SLC5A8: variants seen among roughly 807,000 people sequenced by gnomAD.
SLC5A8 encodes solute carrier family 5 member 8.
A neutral mutation model predicts 71.9 loss-of-function variants in SLC5A8; 55 were observed. That is an observed-to-expected ratio of 0.77 (90% CI 0.62 to 0.96). The LOEUF is 0.96. SLC5A8 is among the 40% of genes least tolerant of loss of function. The probability of loss-of-function intolerance (pLI) is 0.00; values close to 1 mark genes in which losing one functional copy is unlikely to be tolerated. For missense variants in SLC5A8, 701 were observed against 745.3 expected (o/e 0.94, Z 0.69); for synonymous variants, 307 against 276.1 (o/e 1.11, Z -1.11).
chr12:101,194,535 A>G (rs1041974189), intron 4 of SLC5A8, among the ~76,000 whole-genome samples: 1 of 152,196 alleles, frequency 6.6e-6, no homozygotes, highest in Admixed American at 6.5e-5. Context: ...GTGCAATCAC[A>G]GCTCACTGCA....
In SLC5A8 at chr12:101,182,689, A is replaced by C. The variant is rs1305656797; in HGVS notation, c.1165+114T>G. The C allele has an allele frequency of 2.4e-5, 16 of 660,948 alleles. No homozygotes were observed. In the African/African-American group the frequency reaches 2.5e-4, roughly 10 times the overall value. 40.9% of individuals were successfully genotyped at this position (660,948 alleles called of 1,614,324 possible). ...CATTGTCATAGGCATACATATGTGG[A>C]TATCCAGTCATATTCAGAGGTCCTT... is the stretch of plus-strand genomic sequence containing the variant. On this transcript the variant is annotated intron_variant, in intron 9 of 14. Transcript: ENST00000536262.
intron 4 of SLC5A8, among the ~76,000 whole-genome samples, chr12:101,194,302 C>T (rs904204747): frequency 6.6e-6 from 1 of 152,152 alleles, no homozygotes; most frequent in Non-Finnish European, 1.5e-5. Flanking sequence ...CTGAGGGCCC[C>T]ATCTTCTACA....
At chr12:101,197,288 A>C (rs564167132) in intron 3 of SLC5A8, among the ~76,000 whole-genome samples, 5 of 152,364 alleles carry the variant, frequency 3.3e-5, no homozygotes, top group Admixed American at 2.6e-4. Context: ...AAGAATTCAC[A>C]GAACTAGAAT....
chr12:101,184,626 T>C (rs563228974), intron 7 of SLC5A8, among the ~76,000 whole-genome samples: 1 of 152,228 alleles, frequency 6.6e-6, no homozygotes, highest in Admixed American at 6.5e-5. Flanking sequence ...TAATAAGTTG[T>C]CTTTAAGGAA....
At chr12:101,196,594 A>G (rs1869188148) in intron 3 of SLC5A8, among the ~76,000 whole-genome samples, 1 of 152,240 alleles carries the variant, frequency 6.6e-6, no homozygotes, top group African/African-American at 2.4e-5. Context: ...AATGAAATAA[A>G]TGGAACCTAA....
chr12:101,173,102 T>C (rs1014038582), intron 10 of SLC5A8, among the ~76,000 whole-genome samples: 3 of 152,368 alleles, frequency 2.0e-5, no homozygotes, highest in Admixed American at 6.5e-5. Context: ...GGGACAGTTA[T>C]GTCTACCCAC....
chr12:101,161,432 T>A (rs2051722398), intron 13 of SLC5A8, among the ~76,000 whole-genome samples: 1 of 152,088 alleles, frequency 6.6e-6, no homozygotes, highest in Non-Finnish European at 1.5e-5. Flanking sequence ...ACTATGTGTA[T>A]CAATTTGATT....
At chr12:101,177,180 C>T (rs1333940387) in intron 10 of SLC5A8, among the ~76,000 whole-genome samples, 1 of 151,864 alleles carries the variant, frequency 6.6e-6, no homozygotes, top group African/African-American at 2.4e-5. Context: ...GGAACAATTC[C>T]TCAAAAACAT....
chr12:101,167,554 T>A (rs2051785381), intron 11 of SLC5A8, among the ~76,000 whole-genome samples: 1 of 152,206 alleles, frequency 6.6e-6, no homozygotes, highest in Non-Finnish European at 1.5e-5. Flanking sequence ...AGCACAGATA[T>A]GTCTAGGTAG....
rs147274186 is a variant in SLC5A8, at chr12:101,192,434, T to C, written c.692+1191A>G. Among the ~76,000 whole-genome samples the C allele has an allele frequency of 5.5e-3, 839 of 152,254 alleles. 8 individuals are homozygous for C. Among genetic ancestry groups the C allele is most frequent in the African/African-American group, 0.019 (803 of 41,538 alleles). On this transcript the variant is annotated intron_variant, in intron 5 of 14. Coordinates refer to ENST00000536262, the MANE Select transcript of SLC5A8 (RefSeq NM_145913.5). ...GGTTTTTTTTTCTTCAAACTGCCTA[T>C]GTTAAAGCGGGGCTGCGATCTCAAA... is the stretch of plus-strand genomic sequence containing the variant.
chr12:101,188,603 C>G (rs1215464037), intron 6 of SLC5A8, among the ~76,000 whole-genome samples: 1 of 152,184 alleles, frequency 6.6e-6, no homozygotes, highest in Non-Finnish European at 1.5e-5. Flanking sequence ...GACTGCATTA[C>G]AGTCCAGCGT....
At chr12:101,160,509 G>A (rs2051714205) in intron 13 of SLC5A8, among the ~76,000 whole-genome samples, 1 of 152,154 alleles carries the variant, frequency 6.6e-6, no homozygotes, top group African/African-American at 2.4e-5. Flanking sequence ...AACACAACTA[G>A]TTGTAACACA....
At chr12:101,200,009 C>CAAAAAAAAAAAAAAAAAAAAA (rs1182463470) in intron 3 of SLC5A8, among the ~76,000 whole-genome samples, 2 of 9,640 alleles carry the variant, frequency 2.1e-4, no homozygotes, top group Admixed American at 1.4e-3. Context: ...GTACTACCAG[C>CAAAAAAAAAAAAAAAAAAAAA]AAAAAAAAAA....
At chr12:101,166,949 A>G (rs1460199951) in intron 11 of SLC5A8, among the ~76,000 whole-genome samples, 1 of 152,068 alleles carries the variant, frequency 6.6e-6, no homozygotes, top group Admixed American at 6.6e-5. Context: ...ACTTTTAAGG[A>G]AGGCAGATAA....
chr12:101,164,309 G>A (rs1335743035), intron 12 of SLC5A8, among the ~76,000 whole-genome samples: 7 of 152,050 alleles, frequency 4.6e-5, no homozygotes, highest in Admixed American at 1.3e-4. Context: ...TAACTAAGTC[G>A]CAAAAGTAAA....
At chr12:101,160,662 G>A (rs916865390) in intron 13 of SLC5A8, among the ~76,000 whole-genome samples, 3 of 152,106 alleles carry the variant, frequency 2.0e-5, no homozygotes, top group Non-Finnish European at 4.4e-5. Flanking sequence ...TCTCACCTGG[G>A]TTACTGCAAT....
chr12:101,181,403 T>C (rs922228352), intron 9 of SLC5A8, among the ~76,000 whole-genome samples: 1 of 152,234 alleles, frequency 6.6e-6, no homozygotes, highest in African/African-American at 2.4e-5. Flanking sequence ...ATGTCCTTAC[T>C]GCATATACTT....
chr12:101,162,159 A>T (rs2051729647), intron 12 of SLC5A8, 82 bp from the exon 13 acceptor site: 3 of 843,722 alleles, frequency 3.6e-6, no homozygotes, highest in Non-Finnish European at 5.9e-6. Flanking sequence ...TCCCATGGCA[A>T]GGTCAAAATA....
intron 3 of SLC5A8, among the ~76,000 whole-genome samples, chr12:101,198,475 T>C (rs1390453592): frequency 1.3e-5 from 2 of 151,908 alleles, no homozygotes; most frequent in Non-Finnish European, 2.9e-5. Flanking sequence ...ACTATAAACA[T>C]TAAAAGCATA....
Sources: allele counts gnomAD v4.1 joint callset (sites outside exome capture counted in the v4.1 genomes callset), GRCh38; gene constraint gnomAD v4.1.1; transcripts MANE v1.5; gene names NCBI Gene and HGNC (gene_info 2026-07-23, HGNC 2026-07-21).